Variants in SORCS3 observed in about 807,000 individuals in gnomAD.
SORCS3 encodes the protein sortilin related VPS10 domain containing receptor 3, also known as VPS10 domain-containing receptor SorCS3.
SORCS3 carries 57 observed loss-of-function variants against 146.3 expected under a neutral mutation model. The ratio of observed to expected loss-of-function variants is 0.39; its 90% CI spans 0.31 to 0.49. The LOEUF is 0.49. SORCS3 is among the 20% of genes least tolerant of loss of function. SORCS3 has a pLI of 0.92. For synonymous variants in SORCS3, 653 were observed against 618.5 expected, an observed-to-expected ratio of 1.06 and a Z score of -0.83; for missense variants, 1,341 against 1,575.5, an observed-to-expected ratio of 0.85 and a Z score of 2.52.
chr10:104,933,535 C>A (rs146450171), intron 3 of SORCS3, among the ~76,000 whole-genome samples: 1 of 152,126 alleles, frequency 6.6e-6, no homozygotes, highest in Non-Finnish European at 1.5e-5. Flanking sequence ...AGCACAGGCC[C>A]ACACAGAGAG....
chr10:104,697,664 G>A (rs758967771), intron 1 of SORCS3, among the ~76,000 whole-genome samples: 75 of 152,120 alleles, frequency 4.9e-4, no homozygotes, highest in Middle Eastern at 3.2e-3. Context: ...ATGATCACAG[G>A]GCTGTCACCC....
At chr10:104,746,382 C>T (rs537445209) in intron 1 of SORCS3, among the ~76,000 whole-genome samples, 14 of 152,168 alleles carry the variant, frequency 9.2e-5, no homozygotes, top group South Asian at 6.2e-4. Context: ...GTGATCCGCC[C>T]GCCTTGGCCT....
intron 1 of SORCS3, among the ~76,000 whole-genome samples, chr10:104,719,877 G>T (rs2016524014): frequency 6.6e-6 from 1 of 152,174 alleles, no homozygotes; most frequent in African/African-American, 2.4e-5. Flanking sequence ...GGAACAAATG[G>T]ATATGGATCT....
At chr10:105,054,354 A>G (rs1191850003) in intron 5 of SORCS3, among the ~76,000 whole-genome samples, 3 of 151,800 alleles carry the variant, frequency 2.0e-5, no homozygotes, top group African/African-American at 7.2e-5. Context: ...TGTAAATACA[A>G]ACTTTTTATT....
At chr10:104,948,241 A>G (rs1172120660) in intron 3 of SORCS3, among the ~76,000 whole-genome samples, 1 of 152,176 alleles carries the variant, frequency 6.6e-6, no homozygotes, top group Non-Finnish European at 1.5e-5. Flanking sequence ...CCTCACCTGT[A>G]TAAGTCTGTC....
intron 4 of SORCS3, among the ~76,000 whole-genome samples, chr10:104,993,203 A>G (rs2055004981): frequency 6.6e-6 from 1 of 152,188 alleles, no homozygotes; most frequent in African/African-American, 2.4e-5. Context: ...GACAAAGGAG[A>G]TGCTTGTTTC....
chr10:104,724,674 T>C (rs1052561563), intron 1 of SORCS3, among the ~76,000 whole-genome samples: 2 of 152,204 alleles, frequency 1.3e-5, no homozygotes, highest in African/African-American at 4.8e-5. Flanking sequence ...TTTGTTCATT[T>C]CTTTTTATTC....
intron 2 of SORCS3, among the ~76,000 whole-genome samples, chr10:104,886,435 G>A (rs992927932): frequency 2.6e-5 from 4 of 152,108 alleles, no homozygotes; most frequent in East Asian, 3.8e-4. Context: ...ATATGTTTAT[G>A]TGTGTTCAGA....
intron 3 of SORCS3, among the ~76,000 whole-genome samples, chr10:104,940,386 T>TC (rs1379939067): frequency 6.3e-5 from 8 of 127,922 alleles, no homozygotes; most frequent in Non-Finnish European, 1.0e-4. Context: ...ATGCTATCTC[T>TC]CCCCCCTCCC....
intron 14 of SORCS3, among the ~76,000 whole-genome samples, chr10:105,182,148 G>A (rs1022332754): frequency 2.0e-5 from 3 of 149,240 alleles, no homozygotes; most frequent in Non-Finnish European, 4.4e-5. Context: ...ATGAGTGAAT[G>A]TCTAAAATGC....
intron 4 of SORCS3, among the ~76,000 whole-genome samples, chr10:105,015,875 G>T (rs918662110): frequency 6.6e-6 from 1 of 150,870 alleles, no homozygotes; most frequent in Non-Finnish European, 1.5e-5. Flanking sequence ...GATTACAGGC[G>T]CACACCACCA....
intron 2 of SORCS3, among the ~76,000 whole-genome samples, chr10:104,914,702 G>T (rs1347986677): frequency 5.9e-5 from 9 of 152,346 alleles, no homozygotes; most frequent in Admixed American, 3.9e-4. Context: ...CTGTTGGCCA[G>T]GGAAGCACTG....
intron 1 of SORCS3, among the ~76,000 whole-genome samples, chr10:104,742,390 C>A (rs1423379110): frequency 6.6e-6 from 1 of 152,162 alleles, no homozygotes; most frequent in African/African-American, 2.4e-5. Flanking sequence ...AAGGGGGTCT[C>A]TGAGAAGTGT....
intron 1 of SORCS3, among the ~76,000 whole-genome samples, chr10:104,741,483 C>T (rs1204936365): frequency 6.6e-6 from 1 of 151,756 alleles, no homozygotes; most frequent in Non-Finnish European, 1.5e-5. Flanking sequence ...AGGGTTGTGT[C>T]TTTTGTCAAA....
intron 1 of SORCS3, among the ~76,000 whole-genome samples, chr10:104,643,744 G>T (rs1054663205): frequency 4.1e-4 from 61 of 150,518 alleles, no homozygotes; most frequent in Admixed American, 4.0e-4. Context: ...GTGTGTGTGT[G>T]TTGGGGTTCT....
intron 1 of SORCS3, among the ~76,000 whole-genome samples, chr10:104,685,555 T>G (rs183276920): frequency 3.3e-5 from 5 of 152,326 alleles, no homozygotes; most frequent in South Asian, 4.1e-4. Context: ...TTTGAACAGT[T>G]TCTAAACCCC....
Position 104,945,159 on chromosome 10 carries a change from T to C in SORCS3, c.795+29227T>C, listed in dbSNP as rs182469005. On this transcript the variant is annotated intron_variant, in intron 3 of 26. Transcript: ENST00000369701. ...AACATTTAAAAATAGAACTAATCAA[T>C]GTTAAATAGAAGAGCATTGTGGTTA... 5.0e-4 allele frequency among the ~76,000 whole-genome samples: 76 copies of C among 152,274 alleles called. 2 individuals carry two copies. The East Asian group carries it at 0.013, about 25-fold the overall frequency.
chr10:105,014,139 A>G (rs1191507375), intron 4 of SORCS3, among the ~76,000 whole-genome samples: 1 of 149,198 alleles, frequency 6.7e-6, no homozygotes, highest in Non-Finnish European at 1.5e-5. Flanking sequence ...ATATATAACA[A>G]CGTAATATAA....
intron 4 of SORCS3, among the ~76,000 whole-genome samples, chr10:105,029,561 A>C (rs1001048676): frequency 1.3e-5 from 2 of 152,218 alleles, no homozygotes; most frequent in Non-Finnish European, 2.9e-5. Context: ...CAGCATTGGC[A>C]GTTAGAATGG....
Sources: allele counts gnomAD v4.1 joint callset (sites outside exome capture counted in the v4.1 genomes callset), GRCh38; gene constraint gnomAD v4.1.1; transcripts MANE v1.5; gene names NCBI Gene and HGNC (gene_info 2026-07-23, HGNC 2026-07-21).